The following HTR7 variants were observed in gnomAD, a reference collection of about 807,000 sequenced individuals.
The protein encoded by HTR7 is 5-hydroxytryptamine receptor 7.
Under a neutral mutation model 34.0 loss-of-function variants are expected in HTR7, and 16 were observed. The ratio of observed to expected loss-of-function variants is 0.47; its 90% confidence interval spans 0.32 to 0.71. The LOEUF is 0.71. HTR7 is among the 30% of genes least tolerant of loss of function. The probability of loss-of-function intolerance (pLI) is 0.04; values close to 1 mark genes in which losing one functional copy is unlikely to be tolerated. For missense variants in HTR7, 504 were observed against 625.5 expected, an observed-to-expected ratio of 0.81 and a Z score of 2.07; for synonymous variants, 265 against 260.2, an observed-to-expected ratio of 1.02 and a Z score of -0.18.
chr10:90,795,960 G>A (rs1254178933), intron 1 of HTR7, among the ~76,000 whole-genome samples: 1 of 152,190 alleles, frequency 6.6e-6, no homozygotes, highest in Non-Finnish European at 1.5e-5. Context: ...GAGTTATAGA[G>A]AGCAAGGTTT....
intron 1 of HTR7, among the ~76,000 whole-genome samples, chr10:90,757,768 TAAC>T (rs1844858056): frequency 6.6e-6 from 1 of 151,718 alleles, no homozygotes; most frequent in Non-Finnish European, 1.5e-5. Context: ...GCTCCAACAA[TAAC>T]AACAATGAAA....
chr10:90,822,891 G>A (rs913644510), intron 1 of HTR7, among the ~76,000 whole-genome samples: 2 of 152,230 alleles, frequency 1.3e-5, no homozygotes, highest in Non-Finnish European at 2.9e-5. Context: ...GTTCCAGAGG[G>A]TGCAAGCCAG....
At chr10:90,789,606 T>C (rs955249223) in intron 1 of HTR7, among the ~76,000 whole-genome samples, 1 of 152,196 alleles carries the variant, frequency 6.6e-6, no homozygotes, top group South Asian at 2.1e-4. Flanking sequence ...CAATTAAGAA[T>C]CATCATAGTT....
intron 1 of HTR7, among the ~76,000 whole-genome samples, chr10:90,852,769 C>G (rs181265986): frequency 6.6e-6 from 1 of 152,128 alleles, no homozygotes; most frequent in Non-Finnish European, 1.5e-5. Context: ...CTATACAATT[C>G]CATTTATATG....
intron 1 of HTR7, among the ~76,000 whole-genome samples, chr10:90,854,140 C>T (rs1056129138): frequency 1.3e-5 from 2 of 152,182 alleles, no homozygotes; most frequent in African/African-American, 4.8e-5. Context: ...CCGAGGTGGG[C>T]GGATCAGTTG....
chr10:90,783,003 A>G (rs1269169501), intron 1 of HTR7, among the ~76,000 whole-genome samples: 2 of 152,144 alleles, frequency 1.3e-5, no homozygotes, highest in Non-Finnish European at 2.9e-5. Context: ...GATAAGTTTT[A>G]TGATTTGGTG....
At chr10:90,776,424 T>C (rs541271972) in intron 1 of HTR7, among the ~76,000 whole-genome samples, 2 of 152,352 alleles carry the variant, frequency 1.3e-5, no homozygotes, top group Admixed American at 6.5e-5. Flanking sequence ...TTCACAGATA[T>C]TTATTTGAGA....
At chr10:90,779,873 T>C (rs551780842) in intron 1 of HTR7, among the ~76,000 whole-genome samples, 18 of 152,314 alleles carry the variant, frequency 1.2e-4, no homozygotes, top group South Asian at 6.2e-4. Context: ...TTTACCTCCA[T>C]ACTTTAGGGT....
chr10:90,857,519 C>T lies in HTR7; in HGVS notation c.153G>A (p.Glu51=). Residue 51 remains glutamate, a synonymous_variant, in exon 1 of 4, where the codon GAG becomes GAA. Coordinates refer to ENST00000336152, the MANE Select transcript of HTR7 (RefSeq NM_019859.4). This position sits in a 1 kb window ranked among gnomAD's most constrained non-coding sequence, Gnocchi z 6.5. ...AGGTGGGCGCCGGGCTGGCTGTCACCTCGCTCAGCAGGTGCGGCGCCCAGG... is the reference window on the plus strand; with the variant it reads ...AGGTGGGCGCCGGGCTGGCTGTCACTTCGCTCAGCAGGTGCGGCGCCCAGG... ...AGSWAPHLLS[E]VTASPAPTWD... 1.2e-6 allele frequency: 2 copies of T among 1,610,862 alleles called. No homozygotes were observed.
chr10:90,830,461 C>G (rs1041025003), intron 1 of HTR7, among the ~76,000 whole-genome samples: 1 of 152,130 alleles, frequency 6.6e-6, no homozygotes, highest in African/African-American at 2.4e-5. Flanking sequence ...CTAAGTACAG[C>G]TGAGCAATAA....
At chr10:90,830,993 G>A (rs1005792896) in intron 1 of HTR7, among the ~76,000 whole-genome samples, 2 of 152,212 alleles carry the variant, frequency 1.3e-5, no homozygotes, top group African/African-American at 4.8e-5. Context: ...CTTAGCAGTT[G>A]CTTCAAGCAG....
chr10:90,825,134 C>A (rs1230103429), intron 1 of HTR7, among the ~76,000 whole-genome samples: 1 of 152,174 alleles, frequency 6.6e-6, no homozygotes, highest in Non-Finnish European at 1.5e-5. Context: ...AGAGAAGCTC[C>A]ATTTGTTTAG....
At chr10:90,827,414 A>C (rs138630393) in intron 1 of HTR7, among the ~76,000 whole-genome samples, 1 of 152,174 alleles carries the variant, frequency 6.6e-6, no homozygotes, top group Non-Finnish European at 1.5e-5. Flanking sequence ...AAATTAGTCA[A>C]AAAAGACAAA....
chr10:90,855,747 C>T (rs1846569565), intron 1 of HTR7, among the ~76,000 whole-genome samples: 2 of 152,174 alleles, frequency 1.3e-5, no homozygotes, highest in Admixed American at 1.3e-4. Flanking sequence ...CTCACATATG[C>T]AGTTCATGCT....
At chr10:90,823,920 A>C (rs1402423667) in intron 1 of HTR7, among the ~76,000 whole-genome samples, 1 of 152,138 alleles carries the variant, frequency 6.6e-6, no homozygotes, top group African/African-American at 2.4e-5. Flanking sequence ...CCATGATTTT[A>C]AGTTTCCTGA....
Position 90,825,904 on chromosome 10 carries a change from AAAG to A in HTR7, c.539+31226_539+31228del, listed in dbSNP as rs1846065301. ...GGCAAGTTTAAGAGTCACTGGCCTT[AAAG>A]AGGAAGTGGAGAGAGAGATAGGGAT... On this transcript the variant is annotated intron_variant, in intron 1 of 3. Transcript: ENST00000336152. Among the ~76,000 whole-genome samples the A allele has an allele frequency of 2.6e-5, 4 of 152,198 alleles. No individual in the cohort carries two copies. In the South Asian group the frequency reaches 8.3e-4, roughly 31 times the overall value.
At chr10:90,782,221 A>G (rs1845316645) in intron 1 of HTR7, among the ~76,000 whole-genome samples, 2 of 152,210 alleles carry the variant, frequency 1.3e-5, no homozygotes. Context: ...CTTCAAAGAG[A>G]GGACACTGAG....
intron 2 of HTR7, among the ~76,000 whole-genome samples, chr10:90,746,506 T>C (rs1844638204): frequency 6.6e-6 from 1 of 152,154 alleles, no homozygotes; most frequent in Non-Finnish European, 1.5e-5. Context: ...TCTGCCCTCC[T>C]CACTATTGCC....
intron 1 of HTR7, among the ~76,000 whole-genome samples, chr10:90,766,280 T>G (rs1200921807): frequency 6.6e-6 from 1 of 152,230 alleles, no homozygotes; most frequent in African/African-American, 2.4e-5. Flanking sequence ...TGACCTTCTT[T>G]GTCTCTTGTG....
Sources: gnomAD v4.1 joint callset for allele counts (sites outside exome capture counted in the v4.1 genomes callset) on GRCh38, gnomAD v4.1.1 for gene constraint, Gnocchi (gnomAD v3.1) non-coding constraint, MANE v1.5 for transcripts, NCBI Gene and HGNC (gene_info 2026-07-23, HGNC 2026-07-21) for gene names.